The following CLSTN2 variants were observed in gnomAD, a reference collection of about 807,000 sequenced individuals.
CLSTN2 encodes calsyntenin 2.
CLSTN2 carries 48 observed loss-of-function variants against 101.2 expected under a neutral mutation model. The observed-to-expected ratio is 0.47, with a 90% confidence interval of 0.38 to 0.60. The LOEUF (loss-of-function observed/expected upper bound fraction) is 0.60. CLSTN2 is among the 20% of genes least tolerant of loss of function. CLSTN2 has a pLI of 0.00. For synonymous variants in CLSTN2, 481 were observed against 463.6 expected (o/e 1.04, Z -0.48); for missense variants, 1,160 against 1,238.2 (o/e 0.94, Z 0.95).
chr3:140,230,418 G>A (rs1427924011), intron 2 of CLSTN2, among the ~76,000 whole-genome samples: 1 of 152,204 alleles, frequency 6.6e-6, no homozygotes, highest in East Asian at 1.9e-4. Flanking sequence ...TGGCCTGTAT[G>A]TTCTGAATAT....
chr3:140,305,808 T>C (rs1340942781), intron 2 of CLSTN2, among the ~76,000 whole-genome samples: 1 of 152,160 alleles, frequency 6.6e-6, no homozygotes, highest in African/African-American at 2.4e-5. Context: ...AGTCTGATCA[T>C]GAATATGGGT....
At chr3:140,171,219 C>T (rs974295608) in intron 1 of CLSTN2, among the ~76,000 whole-genome samples, 5 of 152,016 alleles carry the variant, frequency 3.3e-5, no homozygotes, top group Non-Finnish European at 7.4e-5. Context: ...AGCATCAGTC[C>T]GAATGCCAAA....
intron 2 of CLSTN2, among the ~76,000 whole-genome samples, chr3:140,320,087 C>T (rs2087267246): frequency 6.6e-6 from 1 of 152,224 alleles, no homozygotes; most frequent in South Asian, 2.1e-4. Flanking sequence ...CTGCTAACCA[C>T]CATGCATTGT....
At chr3:140,034,110 G>A (rs1413150528) in intron 1 of CLSTN2, among the ~76,000 whole-genome samples, 1 of 152,202 alleles carries the variant, frequency 6.6e-6, no homozygotes, top group Non-Finnish European at 1.5e-5. Flanking sequence ...CAAAGCCAGT[G>A]CATGGGGTTA....
chr3:140,549,527 TG>T (rs1212176389), intron 10 of CLSTN2, among the ~76,000 whole-genome samples: 1 of 150,766 alleles, frequency 6.6e-6, no homozygotes, highest in Non-Finnish European at 1.5e-5. Context: ...GAGCACCCAC[TG>T]GGGGCTATTG....
chr3:140,430,554 G>A lies in CLSTN2; in HGVS notation c.787+9280G>A, dbSNP rs145642728. On this transcript the variant is annotated intron_variant, in intron 5 of 16. Coordinates refer to ENST00000458420, the MANE Select transcript of CLSTN2 (RefSeq NM_022131.3). ...TACCCTACAGCAGCAGAGCCGAGTCGTTTCAATAGATTATGTGGCCCTCAA... is the reference window on the plus strand; with the variant it reads ...TACCCTACAGCAGCAGAGCCGAGTCATTTCAATAGATTATGTGGCCCTCAA... 3.7e-3 allele frequency among the ~76,000 whole-genome samples: 569 copies of A among 152,256 alleles called. 2 individuals carry two copies. The highest frequency in any genetic ancestry group is 0.013 in the African/African-American group (526 of 41,556).
intron 1 of CLSTN2, among the ~76,000 whole-genome samples, chr3:139,937,267 C>T (rs986669084): frequency 5.3e-5 from 8 of 152,026 alleles, no homozygotes; most frequent in African/African-American, 1.9e-4. Flanking sequence ...TAATAATGCA[C>T]GGCTGAGTTC....
intron 2 of CLSTN2, among the ~76,000 whole-genome samples, chr3:140,226,482 G>T (rs1248064187): frequency 6.6e-6 from 1 of 152,176 alleles, no homozygotes; most frequent in Non-Finnish European, 1.5e-5. Flanking sequence ...AAATAAGGTG[G>T]ATCGACAGCT....
chr3:140,409,552 A>G (rs1456216930), intron 4 of CLSTN2, among the ~76,000 whole-genome samples: 1 of 152,182 alleles, frequency 6.6e-6, no homozygotes, highest in African/African-American at 2.4e-5. Context: ...TAGGTGAAGG[A>G]TTTTCCTTAA....
At chr3:140,240,174 C>A (rs56001209) in intron 2 of CLSTN2, among the ~76,000 whole-genome samples, 1,608 of 13,158 alleles carry the variant, frequency 0.12, 179 homozygotes, top group African/African-American at 0.16. Context: ...CTCTCTCTCT[C>A]TATATATATA....
chr3:140,533,294 T>G (rs2107779937), intron 9 of CLSTN2, among the ~76,000 whole-genome samples: 1 of 152,290 alleles, frequency 6.6e-6, no homozygotes, highest in Admixed American at 6.5e-5. Context: ...GCTCCCCAAA[T>G]AAGCAGATTA....
intron 2 of CLSTN2, among the ~76,000 whole-genome samples, chr3:140,210,621 TTC>T (rs2010843321): frequency 6.6e-6 from 1 of 152,212 alleles, no homozygotes; most frequent in South Asian, 2.1e-4. Context: ...ATCAAGCTGC[TTC>T]TCTCTTGGTT....
At chr3:140,345,203 G>A (rs925418489) in intron 2 of CLSTN2, among the ~76,000 whole-genome samples, 4 of 151,654 alleles carry the variant, frequency 2.6e-5, no homozygotes, top group African/African-American at 9.7e-5. Context: ...TAGTTTTGGG[G>A]GATCCAAGAT....
Position 140,421,194 on chromosome 3 carries a change from A to G in CLSTN2, c.707A>G (p.Tyr236Cys), listed in dbSNP as rs766679180. The G allele has an allele frequency of 4.3e-6, 7 of 1,614,200 alleles. No homozygotes were observed. The Admixed American group carries it at 1.0e-4, about 23-fold the overall frequency. ...CAGTATGAGATCCTGGTGACCGCCT[A>G]CGACTGTGGACAGAAGCCCGCTGCT... ...QHQYEILVTA[Y>C]DCGQKPAAQD... Residue 236 changes from tyrosine to cysteine, a missense_variant, in exon 5 of 17, where the codon TAC (tyrosine) becomes TGC (cysteine). Transcript: ENST00000458420.
intron 2 of CLSTN2, among the ~76,000 whole-genome samples, chr3:140,340,654 C>T (rs1238332273): frequency 6.6e-6 from 1 of 152,180 alleles, no homozygotes; most frequent in Admixed American, 6.5e-5. Flanking sequence ...TGATGTGGTA[C>T]ATTCGATATA....
chr3:140,279,215 G>T (rs1272593716), intron 2 of CLSTN2, among the ~76,000 whole-genome samples: 3 of 152,246 alleles, frequency 2.0e-5, no homozygotes, highest in Middle Eastern at 3.4e-3. Flanking sequence ...TCCACTGAGA[G>T]AGCCTTTCCT....
In CLSTN2 at chr3:140,473,971, T is replaced by C. The variant is rs560579537; in HGVS notation, c.1344+7240T>C. 2.0e-5 allele frequency among the ~76,000 whole-genome samples: 3 copies of C among 152,232 alleles called. No homozygotes were observed. The South Asian group carries it at 6.2e-4, about 32-fold the overall frequency. ...GGTTTTTTTTAGTAGAGACAAGGTT[T>C]CACCGTGTTGGCCAGGATGGTCTCG... On this transcript the variant is annotated intron_variant, in intron 8 of 16. Coordinates refer to ENST00000458420, the MANE Select transcript of CLSTN2 (RefSeq NM_022131.3).
At chr3:140,402,184 A>G (rs1476849596) in intron 2 of CLSTN2, among the ~76,000 whole-genome samples, 1 of 152,230 alleles carries the variant, frequency 6.6e-6, no homozygotes, top group Non-Finnish European at 1.5e-5. Flanking sequence ...TGATTCCTAT[A>G]TGTAAATCAG....
intron 1 of CLSTN2, among the ~76,000 whole-genome samples, chr3:139,964,760 A>G (rs942270591): frequency 6.6e-6 from 1 of 152,142 alleles, no homozygotes; most frequent in African/African-American, 2.4e-5. Flanking sequence ...CATTTTTGCA[A>G]TGATTTTTCC....
Sources: gnomAD v4.1 joint callset for allele counts (sites outside exome capture counted in the v4.1 genomes callset) on GRCh38, gnomAD v4.1.1 for gene constraint, MANE v1.5 for transcripts, NCBI Gene and HGNC (gene_info 2026-07-23, HGNC 2026-07-21) for gene names.